Variants in TRPC5 observed in about 807,000 individuals in gnomAD.
TRPC5 encodes the protein transient receptor potential cation channel subfamily C member 5.
In TRPC5, 9 loss-of-function variants were observed where a neutral mutation model predicts 56.5. That is an observed-to-expected ratio of 0.16 (90% CI 0.10 to 0.28). TRPC5 has a LOEUF of 0.28. Among genes scored for constraint, TRPC5 ranks in the 10% least tolerant of loss-of-function variants. TRPC5 has a pLI of 1.00. For synonymous variants in TRPC5, 282 were observed against 278.5 expected (o/e 1.01, Z -0.13); for missense variants, 469 against 748.9 (o/e 0.63, Z 4.36).
intron 2 of TRPC5, among the ~76,000 whole-genome samples, chrX:111,931,735 G>A (rs770651130): frequency 9.0e-6 from 1 of 111,326 alleles, no homozygotes; most frequent in Non-Finnish European, 1.9e-5. Context: ...ACATTAAATC[G>A]TACTAAATCC....
chrX:111,939,059 G>A, intron 2 of TRPC5, among the ~76,000 whole-genome samples: 1 of 111,995 alleles, frequency 8.9e-6, no homozygotes, highest in East Asian at 2.8e-4. Flanking sequence ...CTTTTATTGT[G>A]TTGAAATGTG....
At chrX:111,922,232 T>C (rs1926144838) in intron 2 of TRPC5, among the ~76,000 whole-genome samples, 1 of 111,815 alleles carries the variant, frequency 8.9e-6, no homozygotes, top group South Asian at 3.8e-4. Context: ...AAATCCCCCA[T>C]TTGTAATTAA....
chrX:111,828,184 T>C, intron 7 of TRPC5, among the ~76,000 whole-genome samples: 1 of 112,200 alleles, frequency 8.9e-6, no homozygotes. Context: ...CATCAAATCT[T>C]CCTTGTGCTT....
intron 7 of TRPC5, among the ~76,000 whole-genome samples, chrX:111,827,930 C>T (rs771211725): frequency 2.7e-5 from 3 of 111,634 alleles, no homozygotes; most frequent in African/African-American, 9.8e-5. Flanking sequence ...GACTCCATCT[C>T]CTACTTCCCT....
intron 7 of TRPC5, among the ~76,000 whole-genome samples, chrX:111,795,358 AATGT>A (rs1248480300): frequency 1.8e-5 from 2 of 111,177 alleles, no homozygotes; most frequent in African/African-American, 6.5e-5. Flanking sequence ...AAAAATCATC[AATGT>A]ATGTTGAAGT....
chrX:111,871,636 A>G (rs1468968650), intron 3 of TRPC5, among the ~76,000 whole-genome samples: 5 of 112,138 alleles, frequency 4.5e-5, no homozygotes, highest in Admixed American at 3.8e-4. Flanking sequence ...ATGGATTACT[A>G]TAGGAACTAA....
intron 3 of TRPC5, among the ~76,000 whole-genome samples, chrX:111,882,963 G>A: frequency 9.1e-6 from 1 of 110,444 alleles, no homozygotes; most frequent in East Asian, 2.9e-4. Flanking sequence ...GCATGCTCCT[G>A]TAATCCCAGC....
intron 2 of TRPC5, among the ~76,000 whole-genome samples, chrX:111,937,296 C>T (rs1379822508): frequency 9.7e-6 from 1 of 102,796 alleles, no homozygotes; most frequent in African/African-American, 3.8e-5. Context: ...TTGTAGGTTG[C>T]CTGTTCACTC....
At chrX:111,948,542 G>A (rs1926987700) in intron 2 of TRPC5, among the ~76,000 whole-genome samples, 2 of 110,114 alleles carry the variant, frequency 1.8e-5, no homozygotes, top group South Asian at 3.9e-4. Context: ...GACCAGCCTG[G>A]GCAACACGTT....
intron 6 of TRPC5, among the ~76,000 whole-genome samples, chrX:111,838,263 T>C (rs1922626661): frequency 9.0e-6 from 1 of 111,358 alleles, no homozygotes; most frequent in Non-Finnish European, 1.9e-5. Context: ...AGTGAGAATG[T>C]CCTCAACATG....
rs2148544136 is a variant in TRPC5 at position 111,769,763 on chromosome X, G to GT, written c.*6549dup. On this transcript the variant is annotated 3_prime_UTR_variant, in exon 11 of 11. Transcript: ENST00000262839. Reference sequence around the variant, plus strand: ...CTATTGTGTAGTAGCACTTGAAAATGTTTTTTGTTTGTTCGTTTGTTTGTT... The same window carrying GT: ...CTATTGTGTAGTAGCACTTGAAAATGTTTTTTTGTTTGTTCGTTTGTTTGTT... Among the ~76,000 whole-genome samples, 1 of 111,991 alleles carries GT rather than the reference G, an allele frequency of 8.9e-6. No homozygotes were observed. Among genetic ancestry groups the GT allele is most frequent in the African/African-American group, 3.2e-5 (1 of 30,921 alleles).
intron 1 of TRPC5, among the ~76,000 whole-genome samples, chrX:112,001,580 CA>C (rs1411194572): frequency 9.0e-6 from 1 of 111,473 alleles, no homozygotes; most frequent in Non-Finnish European, 1.9e-5. Context: ...GCCAACACGG[CA>C]AAACCTCGTC....
chrX:111,796,753 G>C (rs1048539964), intron 7 of TRPC5, among the ~76,000 whole-genome samples: 28 of 92,045 alleles, frequency 3.0e-4, no homozygotes, highest in Non-Finnish European at 5.5e-4. Context: ...AGCCAGAAGG[G>C]AGAGATTAGG....
intron 1 of TRPC5, among the ~76,000 whole-genome samples, chrX:112,030,076 C>T (rs1302128821): frequency 8.9e-6 from 1 of 112,214 alleles, no homozygotes; most frequent in Non-Finnish European, 1.9e-5. Flanking sequence ...CCACCCACCT[C>T]GGCCTCCCAA....
intron 2 of TRPC5, among the ~76,000 whole-genome samples, chrX:111,926,397 T>C (rs1926259451): frequency 8.9e-6 from 1 of 111,732 alleles, no homozygotes; most frequent in Admixed American, 9.5e-5. Flanking sequence ...CAATTAAAAT[T>C]TTAAAAATAT....
chrX:111,857,077 T>C (rs1923260478), intron 3 of TRPC5, among the ~76,000 whole-genome samples: 1 of 111,608 alleles, frequency 9.0e-6, no homozygotes, highest in South Asian at 3.8e-4. Flanking sequence ...CTTAGAACTA[T>C]GCCTGGCACA....
At chrX:112,005,046 G>C (rs1292444643) in intron 1 of TRPC5, among the ~76,000 whole-genome samples, 2 of 111,285 alleles carry the variant, frequency 1.8e-5, no homozygotes, top group African/African-American at 6.5e-5. Context: ...TTGCTATCGT[G>C]AATTTTACTA....
At chrX:111,885,913 A>T (rs7889479) in intron 3 of TRPC5, among the ~76,000 whole-genome samples, 16,350 of 111,358 alleles carry the variant, frequency 0.15, 2,850 homozygotes, top group African/African-American at 0.5. Flanking sequence ...GCTTAAGTGA[A>T]CTAAGGCAAG....
At chrX:111,902,196 CT>C (rs1329374623) in intron 3 of TRPC5, 5 of 1,052,887 alleles carry the variant, frequency 4.7e-6, no homozygotes, top group Middle Eastern at 2.5e-4. Context: ...GACCCAATTT[CT>C]GCCCCCGTCC....
Sources: allele counts gnomAD v4.1 joint callset (sites outside exome capture counted in the v4.1 genomes callset), GRCh38; gene constraint gnomAD v4.1.1; transcripts MANE v1.5; gene names NCBI Gene and HGNC (gene_info 2026-07-23, HGNC 2026-07-21).